PIK3CB: variants seen among roughly 807,000 people sequenced by gnomAD.
PIK3CB encodes phosphatidylinositol-4,5-bisphosphate 3-kinase catalytic subunit beta, also known as phosphatidylinositol 4,5-bisphosphate 3-kinase catalytic subunit beta isoform.
Under a neutral mutation model 136.8 loss-of-function variants are expected in PIK3CB, and 39 were observed. The ratio of observed to expected loss-of-function variants is 0.29; its 90% CI spans 0.22 to 0.37. PIK3CB has a LOEUF of 0.37. Ranked by LOEUF, PIK3CB falls within the 10% of genes least tolerant of loss-of-function variation. The pLI is 1.00. For synonymous variants in PIK3CB, 428 were observed against 436.6 expected, an observed-to-expected ratio of 0.98 and a Z score of 0.25; for missense variants, 868 against 1,275.4, an observed-to-expected ratio of 0.68 and a Z score of 4.87.
At chr3:138,663,847 T>C in intron 21 of PIK3CB, 59 bp downstream of exon 21, 6 of 1,556,170 alleles carry the variant, frequency 3.9e-6, no homozygotes, top group Middle Eastern at 1.8e-4. Flanking sequence ...CAAGAGATTA[T>C]GCTATACATA....
chr3:138,725,200 G>C (rs897546787), intron 8 of PIK3CB, among the ~76,000 whole-genome samples: 1 of 151,018 alleles, frequency 6.6e-6, no homozygotes, highest in Non-Finnish European at 1.5e-5. Context: ...TATTTTTAAT[G>C]TTTAAGATTA....
At chr3:138,778,211 T>C (rs2045882905) in intron 2 of PIK3CB, 1 of 458,116 alleles carries the variant, frequency 2.2e-6, no homozygotes, top group Non-Finnish European at 4.4e-6. Flanking sequence ...GATGCCCCCA[T>C]GTTTGTAATG....
chr3:138,698,849 G>A (rs1328852929), intron 13 of PIK3CB, 58 bp downstream of exon 13: 3 of 998,264 alleles, frequency 3.0e-6, no homozygotes, highest in Non-Finnish European at 4.4e-6. Context: ...GATACTTTAT[G>A]TGAATCCAAC....
chr3:138,829,916 T>C (rs571662405), intron 1 of PIK3CB, among the ~76,000 whole-genome samples: 7 of 152,220 alleles, frequency 4.6e-5, no homozygotes, highest in African/African-American at 1.7e-4. Flanking sequence ...GGCAGAAGAC[T>C]GAAGTTCAGG....
chr3:138,790,839 C>T (rs1020277099), intron 2 of PIK3CB, among the ~76,000 whole-genome samples: 2 of 146,460 alleles, frequency 1.4e-5, no homozygotes, highest in Non-Finnish European at 3.0e-5. Flanking sequence ...AGAAAAAACC[C>T]TGAGTCCCAG....
intron 1 of PIK3CB, among the ~76,000 whole-genome samples, chr3:138,822,306 G>A (rs1933592703): frequency 6.6e-6 from 1 of 152,204 alleles, no homozygotes; most frequent in South Asian, 2.1e-4. Flanking sequence ...GGCCGAGGCA[G>A]GCAGATCACA....
At chr3:138,709,883 A>G (rs1156550281) in intron 10 of PIK3CB, among the ~76,000 whole-genome samples, 1 of 152,104 alleles carries the variant, frequency 6.6e-6, no homozygotes, top group Non-Finnish European at 1.5e-5. Flanking sequence ...CTCCTAAGAA[A>G]TATGTCAAAT....
intron 19 of PIK3CB, among the ~76,000 whole-genome samples, chr3:138,669,788 G>A (rs933016574): frequency 9.9e-5 from 15 of 152,108 alleles, no homozygotes; most frequent in African/African-American, 3.6e-4. Flanking sequence ...AAACAGTAAT[G>A]TACAGAAGGT....
chr3:138,738,038 A>C, intron 5 of PIK3CB, 152 bp from the exon 6 acceptor site: 1 of 434,536 alleles, frequency 2.3e-6, no homozygotes. Context: ...CATATTTAGA[A>C]TGTAGACAAG....
chr3:138,744,911 G>T (rs780760907), intron 4 of PIK3CB, among the ~76,000 whole-genome samples: 1 of 152,078 alleles, frequency 6.6e-6, no homozygotes, highest in Non-Finnish European at 1.5e-5. Context: ...ATTTCTCCAC[G>T]ATCTGTATCT....
chr3:138,777,967 T>A (rs388649), intron 2 of PIK3CB: 182,746 of 371,844 alleles, frequency 0.49, 48,508 homozygotes, highest in Admixed American at 0.66. Context: ...ATATGTTCCA[T>A]GATGATTCTA....
chr3:138,777,178 C>G (rs1020896949), intron 2 of PIK3CB, among the ~76,000 whole-genome samples: 10 of 152,196 alleles, frequency 6.6e-5, no homozygotes, highest in African/African-American at 2.2e-4. Context: ...ATGTGTCCCT[C>G]ATGGACCTGA....
chr3:138,759,268 AT>A lies in PIK3CB; in HGVS notation c.75del (p.Ser26LeufsTer58). 1 of 1,613,220 alleles carries A rather than the reference AT, an allele frequency of 6.2e-7. No individual in the cohort carries two copies. The highest frequency in any genetic ancestry group is 1.3e-5 in the African/African-American group (1 of 75,058). On this transcript the variant is annotated frameshift_variant, in exon 3 of 24. Coordinates refer to ENST00000674063, the MANE Select transcript of PIK3CB (RefSeq NM_006219.3). LOFTEE classifies it high-confidence loss of function. The part of the protein sequence containing the change: ...LDIWAVDSQI[A>X]SDGSIPVDFL... ...AAATCCACAGGTATGGAGCCATCAGATGCTATCTGTGAATCCACCGCCCAGA... is the reference window on the plus strand; with the variant it reads ...AAATCCACAGGTATGGAGCCATCAGAGCTATCTGTGAATCCACCGCCCAGA...
chr3:138,732,720 G>GAAAAAAAAAA (rs68137286), intron 8 of PIK3CB, among the ~76,000 whole-genome samples: 366 of 107,520 alleles, frequency 3.4e-3, no homozygotes, highest in Middle Eastern at 5.1e-3. Flanking sequence ...GGAAAGAAAA[G>GAAAAAAAAAA]AAAAAAAAAA....
chr3:138,720,417 CT>C (rs1316685943), intron 8 of PIK3CB, among the ~76,000 whole-genome samples: 2 of 152,186 alleles, frequency 1.3e-5, no homozygotes, highest in African/African-American at 4.8e-5. Flanking sequence ...ATAGTTTTGT[CT>C]GCCTTCACTC....
chr3:138,805,988 A>G (rs1340213373), intron 1 of PIK3CB, among the ~76,000 whole-genome samples: 2 of 150,720 alleles, frequency 1.3e-5, no homozygotes, highest in African/African-American at 4.9e-5. Context: ...TTGGCCTCCC[A>G]AAGTGCTGGG....
At chr3:138,660,017 T>C (rs1428853750) in intron 21 of PIK3CB, among the ~76,000 whole-genome samples, 1 of 151,760 alleles carries the variant, frequency 6.6e-6, no homozygotes, top group African/African-American at 2.4e-5. Flanking sequence ...AGGCTGAGAG[T>C]ATACCTCCCT....
chr3:138,761,796 C>T (rs1377504451), intron 2 of PIK3CB, among the ~76,000 whole-genome samples: 13 of 151,132 alleles, frequency 8.6e-5, no homozygotes, highest in African/African-American at 2.9e-4. Context: ...AAAAATTAGT[C>T]GGGGGTGGTG....
chr3:138,684,596 G>C (rs375980987), intron 17 of PIK3CB, 29 bp downstream of exon 17: 4 of 1,537,974 alleles, frequency 2.6e-6, no homozygotes, highest in Non-Finnish European at 3.5e-6. Context: ...ATTCATAGGA[G>C]ATTCACTGCG....
Sources: allele counts gnomAD v4.1 joint callset (sites outside exome capture counted in the v4.1 genomes callset), GRCh38; gene constraint gnomAD v4.1.1; transcripts MANE v1.5; gene names NCBI Gene and HGNC (gene_info 2026-07-23, HGNC 2026-07-21).